Variants in ATP9A observed in about 807,000 individuals in gnomAD.
ATP9A encodes probable phospholipid-transporting ATPase IIA.
Under a neutral mutation model 144.1 loss-of-function variants are expected in ATP9A, and 52 were observed. The ratio of observed to expected loss-of-function variants is 0.36; its 90% CI spans 0.29 to 0.45. The LOEUF (loss-of-function observed/expected upper bound fraction) is 0.45, where lower values mean the gene tolerates loss of function less well. ATP9A is among the 20% of genes least tolerant of loss of function. The pLI is 1.00. For missense variants in ATP9A, 947 were observed against 1,392.7 expected (o/e 0.68, Z 5.09); for synonymous variants, 582 against 557.4 (o/e 1.04, Z -0.62).
chr20:51,663,718 C>G (rs144896874), intron 13 of ATP9A, among the ~76,000 whole-genome samples: 2 of 147,376 alleles, frequency 1.4e-5, no homozygotes, highest in Non-Finnish European at 3.0e-5. Context: ...GGCGTGAACC[C>G]GGGAGGTGGA....
rs541585984 is a variant in ATP9A at position 51,649,652 on chromosome 20, C to T, written c.1506+7286G>A. Among the ~76,000 whole-genome samples, 12 of 152,316 alleles carry T rather than the reference C, an allele frequency of 7.9e-5. No individual in the cohort carries two copies. In the South Asian group the frequency reaches 1.2e-3, roughly 16 times the overall value. On this transcript the variant is annotated intron_variant, in intron 14 of 27. Coordinates refer to ENST00000338821, the MANE Select transcript of ATP9A (RefSeq NM_006045.3). Reference sequence around the variant, plus strand: ...CAGCTAGGCCGGGTGCAGTAGTTCACGCCTGTAATCCCAGCACTGTGGGAG... The same window carrying T: ...CAGCTAGGCCGGGTGCAGTAGTTCATGCCTGTAATCCCAGCACTGTGGGAG...
At chr20:51,617,614 A>G (rs369320259) in intron 21 of ATP9A, 60 bp from the exon 22 acceptor site, 90 of 1,567,200 alleles carry the variant, frequency 5.7e-5, no homozygotes, top group Non-Finnish European at 9.6e-6. Flanking sequence ...CCAAGAATGT[A>G]TGCTTGTCTT....
At chr20:51,739,853 C>T (rs866739061) in intron 1 of ATP9A, among the ~76,000 whole-genome samples, 9 of 152,116 alleles carry the variant, frequency 5.9e-5, no homozygotes, top group Admixed American at 1.3e-4. Flanking sequence ...GAAAACATGC[C>T]TGGGCAGGGG....
At position 51,756,073 on chromosome 20, in the gene ATP9A, G is replaced by A. The variant is rs564198832; in HGVS notation, c.68+12229C>T. On this transcript the variant is annotated intron_variant, in intron 1 of 27. Transcript: ENST00000338821. ...TGGCAATAAATGAGACGCTTTCTAC[G>A]TTAGTTTCCTTGGGCTGCCATAATA... 1.4e-4 allele frequency among the ~76,000 whole-genome samples: 22 copies of A among 152,252 alleles called. No homozygotes were observed. In the South Asian group the frequency reaches 3.3e-3, roughly 23 times the overall value.
In ATP9A at chr20:51,761,488, G is replaced by A. The variant is rs140293900; in HGVS notation, c.68+6814C>T. 3.0e-3 allele frequency among the ~76,000 whole-genome samples: 464 copies of A among 152,204 alleles called. 5 individuals carry two copies. Among genetic ancestry groups the A allele is most frequent in the African/African-American group, 9.0e-3 (372 of 41,530 alleles). On this transcript the variant is annotated intron_variant, in intron 1 of 27. Coordinates refer to ENST00000338821, the MANE Select transcript of ATP9A (RefSeq NM_006045.3). ...CAAATTAGCACAACTTTGGCCGGGC[G>A]CCGTGGCTCACGGCTGTAATCCCAG...
intron 17 of ATP9A, among the ~76,000 whole-genome samples, chr20:51,625,618 C>T (rs6067853): frequency 2.6e-5 from 4 of 151,952 alleles, no homozygotes; most frequent in South Asian, 2.1e-4. Context: ...AGTCACTTAA[C>T]CTCTCTGAGC....
intron 14 of ATP9A, among the ~76,000 whole-genome samples, chr20:51,651,137 CCTCT>C (rs934220515): frequency 3.2e-5 from 3 of 92,896 alleles, no homozygotes; most frequent in African/African-American, 1.0e-4. Context: ...CTGTACTGGT[CCTCT>C]CTCTCTCTCT....
chr20:51,748,546 C>T (rs1847468599), intron 1 of ATP9A, among the ~76,000 whole-genome samples: 1 of 152,122 alleles, frequency 6.6e-6, no homozygotes, highest in African/African-American at 2.4e-5. Flanking sequence ...TAAAACCACA[C>T]CAAGATATCT....
intron 1 of ATP9A, among the ~76,000 whole-genome samples, chr20:51,742,947 C>T (rs1355258523): frequency 1.3e-5 from 2 of 152,176 alleles, no homozygotes; most frequent in African/African-American, 4.8e-5. Flanking sequence ...TGAGTCAGTT[C>T]CTGCCCATGA....
chr20:51,650,902 TAC>T (rs10666493), intron 14 of ATP9A, among the ~76,000 whole-genome samples: 2,051 of 149,182 alleles, frequency 0.014, 23 homozygotes, highest in African/African-American at 0.033. Context: ...ACATCACACA[TAC>T]ACACACACAC....
chr20:51,679,369 G>A (rs2077490728), intron 9 of ATP9A, among the ~76,000 whole-genome samples: 2 of 152,154 alleles, frequency 1.3e-5, no homozygotes, highest in Admixed American at 1.3e-4. Flanking sequence ...TTTCCTGGAA[G>A]TGTGGAAGAT....
chr20:51,768,200 G>C (rs1169310349), intron 1 of ATP9A, 102 bp downstream of exon 1: 3 of 670,584 alleles, frequency 4.5e-6, no homozygotes, highest in South Asian at 1.4e-4. Context: ...TCATGGCGCC[G>C]GGCGCGGCGC....
intron 1 of ATP9A, among the ~76,000 whole-genome samples, chr20:51,740,701 T>A (rs1386284402): frequency 1.3e-5 from 2 of 150,192 alleles, no homozygotes; most frequent in African/African-American, 2.5e-5. Flanking sequence ...CCCACGTGGC[T>A]GGGACTACAG....
At chr20:51,669,462 G>A (rs2072589194) in intron 13 of ATP9A, among the ~76,000 whole-genome samples, 1 of 152,206 alleles carries the variant, frequency 6.6e-6, no homozygotes, top group Non-Finnish European at 1.5e-5. Flanking sequence ...TGAGTTGAAT[G>A]TAGATGAGAA....
rs1451802660 is a variant in ATP9A, at chr20:51,699,966, T to G, written c.437-2484A>C. Among the ~76,000 whole-genome samples the G allele has an allele frequency of 3.3e-5, 5 of 152,006 alleles. No homozygotes were observed. The South Asian group carries it at 8.3e-4, about 25-fold the overall frequency. ...AACACTACTGACTTCTAGAAAGCAC[T>G]CAACTAACAATGGCGAGCTGAACTA... is the stretch of plus-strand genomic sequence containing the variant. On this transcript the variant is annotated intron_variant, in intron 4 of 27. Coordinates refer to ENST00000338821, the MANE Select transcript of ATP9A (RefSeq NM_006045.3).
In ATP9A at chr20:51,655,754, C is replaced by T. The variant is rs568797687; in HGVS notation, c.1506+1184G>A. Reference sequence around the variant, plus strand: ...CTCAAAAGGTTAACTATAGAGTCACCATATGACATTGCCAACCCACTCCTA... The same window carrying T: ...CTCAAAAGGTTAACTATAGAGTCACTATATGACATTGCCAACCCACTCCTA... On this transcript the variant is annotated intron_variant, in intron 14 of 27. Coordinates refer to ENST00000338821, the MANE Select transcript of ATP9A (RefSeq NM_006045.3). Among the ~76,000 whole-genome samples, 5 of 152,078 alleles carry T rather than the reference C, an allele frequency of 3.3e-5. No individual in the cohort carries two copies. In the South Asian group the frequency reaches 8.3e-4, roughly 25 times the overall value.
At chr20:51,763,277 C>T (rs1344653850) in intron 1 of ATP9A, among the ~76,000 whole-genome samples, 3 of 151,352 alleles carry the variant, frequency 2.0e-5, no homozygotes, top group Non-Finnish European at 4.4e-5. Flanking sequence ...TGCATAACTC[C>T]ATACACCTGG....
intron 13 of ATP9A, among the ~76,000 whole-genome samples, chr20:51,663,851 G>C (rs560560271): frequency 6.6e-6 from 1 of 151,834 alleles, no homozygotes; most frequent in Non-Finnish European, 1.5e-5. Flanking sequence ...TGTTTTCTGT[G>C]GATGCAGAAA....
At chr20:51,627,307 T>A (rs2077253314) in intron 17 of ATP9A, among the ~76,000 whole-genome samples, 1 of 152,042 alleles carries the variant, frequency 6.6e-6, no homozygotes, top group Admixed American at 6.6e-5. Context: ...TGAAATGGTA[T>A]GATGGATGGA....
Sources: allele counts gnomAD v4.1 joint callset (sites outside exome capture counted in the v4.1 genomes callset), GRCh38; gene constraint gnomAD v4.1.1; transcripts MANE v1.5; gene names NCBI Gene and HGNC (gene_info 2026-07-23, HGNC 2026-07-21).